Variants in SYNE1 observed in about 807,000 individuals in gnomAD.
The protein encoded by SYNE1 is nesprin-1.
In SYNE1, 616 loss-of-function variants were observed where a neutral mutation model predicts 1,111.0. The ratio of observed to expected loss-of-function variants is 0.55; its 90% CI spans 0.52 to 0.59. The LOEUF is 0.59. Ranked by LOEUF, SYNE1 falls within the 20% of genes least tolerant of loss-of-function variation. SYNE1 has a pLI of 0.00. For synonymous variants in SYNE1, 3,855 were observed against 3,825.8 expected (o/e 1.01, Z -0.28); for missense variants, 10,006 against 10,417.0 (o/e 0.96, Z 1.72).
intron 66 of SYNE1, among the ~76,000 whole-genome samples, chr6:152,355,457 T>G (rs2154052314): frequency 6.6e-6 from 1 of 152,278 alleles, no homozygotes; most frequent in African/African-American, 2.4e-5. Context: ...GGCATTGTGG[T>G]GGCCAAGAAA....
At chr6:152,253,986 A>G (rs1179655590) in intron 104 of SYNE1, among the ~76,000 whole-genome samples, 2 of 151,560 alleles carry the variant, frequency 1.3e-5, no homozygotes, top group African/African-American at 4.8e-5. Context: ...GCTTTTTATT[A>G]GGAATGAAAA....
intron 8 of SYNE1, 33 bp downstream of exon 8, chr6:152,510,160 G>C: frequency 6.2e-7 from 1 of 1,601,470 alleles, no homozygotes; most frequent in South Asian, 1.1e-5. Context: ...TCAATTTAAC[G>C]GTTTCAAATT....
chr6:152,499,090 A>G (rs1272868472), intron 10 of SYNE1, among the ~76,000 whole-genome samples: 1 of 152,134 alleles, frequency 6.6e-6, no homozygotes, highest in Admixed American at 6.5e-5. Flanking sequence ...AAGGTAAACT[A>G]TGTAAAGAAG....
chr6:152,443,357 C>T (rs1160400426), intron 30 of SYNE1, among the ~76,000 whole-genome samples: 9 of 152,070 alleles, frequency 5.9e-5, no homozygotes, highest in Admixed American at 1.3e-4. Context: ...CTCCGTCTCC[C>T]GGGTTCATGC....
intron 6 of SYNE1, among the ~76,000 whole-genome samples, chr6:152,519,798 G>A (rs1172785294): frequency 1.3e-5 from 2 of 152,104 alleles, no homozygotes; most frequent in Non-Finnish European, 2.9e-5. Flanking sequence ...CTCTACCATA[G>A]GAAAGCATGG....
intron 67 of SYNE1, among the ~76,000 whole-genome samples, chr6:152,354,095 G>A (rs142898851): frequency 0.016 from 2,376 of 152,120 alleles, 63 homozygotes; most frequent in African/African-American, 0.055. Context: ...AGCTGAGACC[G>A]CACCACTGCA....
chr6:152,454,128 T>G (rs968386031), intron 24 of SYNE1, among the ~76,000 whole-genome samples: 1 of 151,974 alleles, frequency 6.6e-6, no homozygotes, highest in African/African-American at 2.4e-5. Context: ...ACCACAGTGC[T>G]TCAGGGCCTG....
Position 152,256,431 on chromosome 6 carries a change from A to AAAATAAAT in SYNE1, c.19104+195_19104+202dup, listed in dbSNP as rs3038206. On this transcript the variant is annotated intron_variant, in intron 102 of 145. Coordinates refer to ENST00000367255, the MANE Select transcript of SYNE1 (RefSeq NM_182961.4). The stretch of plus-strand genomic sequence containing the variant: ...GGTGACAGAGTGAGACTCGGTCTAA[A>AAAATAAAT]AAATAAATAAATAAATAAATAAATA... Among the ~76,000 whole-genome samples, 8,072 of 147,014 alleles carry AAAATAAAT rather than the reference A, an allele frequency of 0.055. 301 individuals carry two copies. The highest frequency in any genetic ancestry group is 0.1 in the East Asian group (517 of 4,966).
chr6:152,552,021 G>GA (rs1460471125), intron 3 of SYNE1, among the ~76,000 whole-genome samples: 1 of 152,158 alleles, frequency 6.6e-6, no homozygotes, highest in Admixed American at 6.6e-5. Context: ...AGGGAGTCTT[G>GA]AAAAATGTCC....
At position 152,232,175 on chromosome 6, in the gene SYNE1, C is replaced by G; in HGVS notation, c.20803G>C (p.Asp6935His). Residue 6935 changes from aspartate (D) to histidine (H), a missense_variant, in exon 113 of 146, where the codon GAT becomes CAT. By Grantham distance (81) the Asp-to-His change is moderately conservative (BLOSUM62 -1). Transcript: ENST00000367255. Reference protein sequence around the residue: ...LMENVIQKDEDNIKNSIGYKA... With the variant: ...LMENVIQKDEHNIKNSIGYKA... ...TAACCTATGGAATTTTTAATATTAT[C>G]TTCATCCTTCTGAATAACATTTTCC... 6.2e-7 allele frequency: 1 copy of G among 1,608,938 alleles called. No individual in the cohort carries two copies.
At chr6:152,524,401 G>T (rs1197339225) in intron 5 of SYNE1, among the ~76,000 whole-genome samples, 1 of 151,986 alleles carries the variant, frequency 6.6e-6, no homozygotes, top group Non-Finnish European at 1.5e-5. Context: ...TAAACTTCTT[G>T]AATACCTACA....
At chr6:152,127,129 T>C (rs2053736411) in intron 145 of SYNE1, 1 of 152,138 alleles carries the variant, frequency 6.6e-6, no homozygotes, top group African/African-American at 2.4e-5. Flanking sequence ...TTCTTGCTAA[T>C]CCTAAACTAC....
At chr6:152,197,659 C>CT (rs1034695485) in intron 127 of SYNE1, among the ~76,000 whole-genome samples, 10 of 151,982 alleles carry the variant, frequency 6.6e-5, no homozygotes, top group South Asian at 4.2e-4. Flanking sequence ...GAAAGAAAGC[C>CT]TTTTTTTTCT....
chr6:152,323,261 AC>A (rs1195377768), intron 82 of SYNE1, among the ~76,000 whole-genome samples: 5 of 151,944 alleles, frequency 3.3e-5, no homozygotes, highest in Admixed American at 2.0e-4. Context: ...CCACGGTGAA[AC>A]CCCGTCTCTA....
intron 11 of SYNE1, among the ~76,000 whole-genome samples, chr6:152,494,662 T>C (rs1268708875): frequency 6.6e-6 from 1 of 152,164 alleles, no homozygotes; most frequent in Non-Finnish European, 1.5e-5. Context: ...ATGCCTTCCA[T>C]ATCCTGCACC....
intron 124 of SYNE1, among the ~76,000 whole-genome samples, chr6:152,208,792 A>C (rs2076997584): frequency 6.6e-6 from 1 of 152,248 alleles, no homozygotes; most frequent in Non-Finnish European, 1.5e-5. Context: ...CATCTGAATT[A>C]TCTCTTCTAC....
intron 3 of SYNE1, among the ~76,000 whole-genome samples, chr6:152,544,627 T>C (rs1190991552): frequency 6.6e-6 from 1 of 152,210 alleles, no homozygotes; most frequent in Admixed American, 6.5e-5. Context: ...TGTTTTGCCA[T>C]TTCAGGGCAA....
chr6:152,481,527 T>A (rs1269436839), intron 14 of SYNE1: 1 of 452,882 alleles, frequency 2.2e-6, no homozygotes, highest in African/African-American at 2.0e-5. Flanking sequence ...GTAAGAAACA[T>A]GCACATGTAC....
chr6:152,495,975 G>A (rs761405210), intron 11 of SYNE1, among the ~76,000 whole-genome samples: 4 of 152,180 alleles, frequency 2.6e-5, no homozygotes, highest in Non-Finnish European at 5.9e-5. Context: ...AATACTAGGA[G>A]TCTGGGTACA....
Sources: gnomAD v4.1 joint callset for allele counts (sites outside exome capture counted in the v4.1 genomes callset) on GRCh38, gnomAD v4.1.1 for gene constraint, MANE v1.5 for transcripts, NCBI Gene and HGNC (gene_info 2026-07-23, HGNC 2026-07-21) for gene names.